The following TMEM132B variants were observed in gnomAD, a reference collection of about 807,000 sequenced individuals.
TMEM132B encodes transmembrane protein 132B.
TMEM132B carries 18 observed loss-of-function variants against 90.8 expected under a neutral mutation model. That is an observed-to-expected ratio of 0.20 (90% CI 0.14 to 0.29). The LOEUF (loss-of-function observed/expected upper bound fraction) is 0.29. Among genes scored for constraint, TMEM132B ranks in the 10% least tolerant of loss-of-function variants. TMEM132B has a pLI of 1.00. For synonymous variants in TMEM132B, 504 were observed against 523.3 expected, an observed-to-expected ratio of 0.96 and a Z score of 0.50; for missense variants, 1,096 against 1,326.8, an observed-to-expected ratio of 0.83 and a Z score of 2.70.
chr12:125,361,797 T>C (rs1209792860), intron 2 of TMEM132B, among the ~76,000 whole-genome samples: 1 of 152,230 alleles, frequency 6.6e-6, no homozygotes, highest in Non-Finnish European at 1.5e-5. Context: ...CCAATTGCAT[T>C]GGAGTCTGTG....
At chr12:125,216,034 C>G (rs1178318446) in intron 1 of TMEM132B, among the ~76,000 whole-genome samples, 3 of 152,380 alleles carry the variant, frequency 2.0e-5, no homozygotes, top group Admixed American at 1.3e-4. Flanking sequence ...TTAAGAATCT[C>G]TCTGCTCTTT....
intron 1 of TMEM132B, among the ~76,000 whole-genome samples, chr12:125,323,280 A>G (rs1257090824): frequency 6.6e-6 from 1 of 152,116 alleles, no homozygotes; most frequent in Non-Finnish European, 1.5e-5. Flanking sequence ...TACTGAAAAT[A>G]CAAATATTAG....
intron 1 of TMEM132B, among the ~76,000 whole-genome samples, chr12:125,245,279 C>T (rs1277186842): frequency 2.1e-5 from 3 of 145,478 alleles, no homozygotes; most frequent in East Asian, 2.1e-4. Flanking sequence ...GGCAGCCCCC[C>T]ACTGCAGTTC....
At chr12:125,632,692 C>G (rs1886394294) in intron 5 of TMEM132B, among the ~76,000 whole-genome samples, 2 of 151,836 alleles carry the variant, frequency 1.3e-5, no homozygotes. Flanking sequence ...TTTTTTCCTC[C>G]TTCAGCACTT....
chr12:125,398,228 C>T (rs976941802), intron 2 of TMEM132B, among the ~76,000 whole-genome samples: 3 of 152,156 alleles, frequency 2.0e-5, no homozygotes, highest in African/African-American at 4.8e-5. Context: ...CCTCTAAATG[C>T]TGACAATCCT....
At chr12:125,478,968 A>C (rs1373937073) in intron 3 of TMEM132B, among the ~76,000 whole-genome samples, 1 of 152,220 alleles carries the variant, frequency 6.6e-6, no homozygotes, top group Non-Finnish European at 1.5e-5. Flanking sequence ...AACATTCTTA[A>C]AGAAAAGAAT....
At chr12:125,574,055 A>G (rs756668636) in intron 4 of TMEM132B, among the ~76,000 whole-genome samples, 1 of 152,098 alleles carries the variant, frequency 6.6e-6, no homozygotes, top group Non-Finnish European at 1.5e-5. Flanking sequence ...GATAGTTTTT[A>G]TCTTTTCCTA....
At chr12:125,300,332 G>A in intron 1 of TMEM132B, among the ~76,000 whole-genome samples, 1 of 152,178 alleles carries the variant, frequency 6.6e-6, no homozygotes, top group East Asian at 1.9e-4. Flanking sequence ...CACTGCACCT[G>A]GTCTCTTTTG....
intron 2 of TMEM132B, among the ~76,000 whole-genome samples, chr12:125,374,056 A>G (rs1224966541): frequency 6.6e-6 from 1 of 152,160 alleles, no homozygotes; most frequent in African/African-American, 2.4e-5. Flanking sequence ...CAGCCTCCCA[A>G]AGTTCTGGGA....
At chr12:125,253,916 TTG>T (rs1299477274) in intron 1 of TMEM132B, among the ~76,000 whole-genome samples, 3 of 152,210 alleles carry the variant, frequency 2.0e-5, no homozygotes, top group African/African-American at 7.2e-5. Context: ...TTGAACAATG[TTG>T]TGTTTGTCTT....
intron 4 of TMEM132B, among the ~76,000 whole-genome samples, chr12:125,527,393 C>T (rs1883511804): frequency 6.9e-6 from 1 of 144,588 alleles, no homozygotes. Flanking sequence ...TCCACCCATC[C>T]ACCCATCCAG....
chr12:125,558,835 A>G (rs1030858264), intron 4 of TMEM132B, among the ~76,000 whole-genome samples: 3 of 152,194 alleles, frequency 2.0e-5, no homozygotes, highest in African/African-American at 7.2e-5. Context: ...GCCATGTTCT[A>G]AGGCAAAGGG....
In TMEM132B at chr12:125,653,896, G is replaced by A. The variant is rs61753645; in HGVS notation, c.2438G>A (p.Arg813Gln). 3.5e-5 allele frequency: 57 copies of A among 1,614,104 alleles called. No individual in the cohort carries two copies. The highest frequency in any genetic ancestry group is 3.3e-4 in the Middle Eastern group (2 of 6,062). ...AGCAATGATATTGAGGGCATAAATCGGGAATATAAAGACCACCTCAGTAAT... is the reference window on the plus strand; with the variant it reads ...AGCAATGATATTGAGGGCATAAATCAGGAATATAAAGACCACCTCAGTAAT... ...GGSNDIEGIN[R>Q]EYKDHLSNSI... Residue 813 changes from arginine (R) to glutamine (Q), a missense_variant, in exon 9 of 9, where the codon CGG (arginine) becomes CAG (glutamine). By Grantham distance (43) the Arg-to-Gln change is conservative. Coordinates refer to ENST00000682704, the MANE Select transcript of TMEM132B (RefSeq NM_001366854.1).
chr12:125,648,274 G>C (rs1435795938), intron 6 of TMEM132B, among the ~76,000 whole-genome samples: 1 of 152,018 alleles, frequency 6.6e-6, no homozygotes, highest in Non-Finnish European at 1.5e-5. Flanking sequence ...TGGTGTATAT[G>C]TGCCACATTT....
intron 3 of TMEM132B, among the ~76,000 whole-genome samples, chr12:125,515,948 C>T (rs1161156313): frequency 6.6e-6 from 1 of 150,548 alleles, no homozygotes. Context: ...ACACACAGAG[C>T]TGCACATTCT....
intron 3 of TMEM132B, among the ~76,000 whole-genome samples, chr12:125,482,244 A>G (rs1306335373): frequency 1.3e-5 from 2 of 152,262 alleles, no homozygotes; most frequent in African/African-American, 2.4e-5. Context: ...AAAAGCCAAA[A>G]TAGACAAATG....
At chr12:125,374,358 G>A (rs934950186) in intron 2 of TMEM132B, among the ~76,000 whole-genome samples, 2 of 152,170 alleles carry the variant, frequency 1.3e-5, no homozygotes, top group Non-Finnish European at 2.9e-5. Context: ...CGTGGGCACA[G>A]GGAATTCTAA....
chr12:125,235,179 A>G (rs150858066), intron 1 of TMEM132B, among the ~76,000 whole-genome samples: 2 of 152,220 alleles, frequency 1.3e-5, no homozygotes, highest in African/African-American at 4.8e-5. Context: ...CACCTTTACA[A>G]TTAGGGGCTT....
chr12:125,617,893 G>A (rs1207054192), intron 5 of TMEM132B, among the ~76,000 whole-genome samples: 1 of 151,462 alleles, frequency 6.6e-6, no homozygotes, highest in African/African-American at 2.4e-5. Context: ...AACTGACTTT[G>A]AGTTTATATA....
Sources: allele counts gnomAD v4.1 joint callset (sites outside exome capture counted in the v4.1 genomes callset), GRCh38; gene constraint gnomAD v4.1.1; transcripts MANE v1.5; gene names NCBI Gene and HGNC (gene_info 2026-07-23, HGNC 2026-07-21).